The following TRPM4 variants were observed in gnomAD, a reference collection of about 807,000 sequenced individuals.
TRPM4 encodes the protein transient receptor potential cation channel subfamily M member 4, also known as calcium-activated non-selective cation channel 1.
TRPM4 carries 124 observed loss-of-function variants against 135.6 expected under a neutral mutation model. The observed-to-expected ratio is 0.91, with a 90% confidence interval of 0.79 to 1.06. The LOEUF (loss-of-function observed/expected upper bound fraction) is 1.06. TRPM4 is among the 50% of genes least tolerant of loss of function. The probability of loss-of-function intolerance (pLI) is 0.00; values close to 1 mark genes in which losing one functional copy is unlikely to be tolerated. For missense variants in TRPM4, 1,658 were observed against 1,671.4 expected (o/e 0.99, Z 0.14); for synonymous variants, 745 against 705.6 (o/e 1.06, Z -0.88).
rs1057309199 is a variant in TRPM4 at position 49,207,475 on chromosome 19, A to T, written c.3132-2734A>T. ...TGAGACCTTATCTCAATAAAAAAAT[A>T]AAAAATTTGCCAGGCGTGGTGGTGC... On this transcript the variant is annotated intron_variant, in intron 20 of 24. Transcript: ENST00000252826. 6.6e-5 allele frequency among the ~76,000 whole-genome samples: 10 copies of T among 151,824 alleles called. No individual in the cohort carries two copies. In the South Asian group the frequency reaches 2.1e-3, roughly 32 times the overall value.
chr19:49,164,146 T>C lies in TRPM4; in HGVS notation c.93-1895T>C, dbSNP rs982610974. ...GTGTAAATACAGGTCTCCCCTGATA[T>C]CTGAACTCCTGGAATCTGGAACAAA... On this transcript the variant is annotated intron_variant, in intron 2 of 24. Coordinates refer to ENST00000252826, the MANE Select transcript of TRPM4 (RefSeq NM_017636.4). Among the ~76,000 whole-genome samples, 22 of 152,312 alleles carry C rather than the reference T, an allele frequency of 1.4e-4. No homozygotes were observed. The East Asian group carries it at 1.9e-3, about 13-fold the overall frequency.
At chr19:49,160,229 G>A (rs1966910867) in intron 2 of TRPM4, among the ~76,000 whole-genome samples, 2 of 152,306 alleles carry the variant, frequency 1.3e-5, no homozygotes, top group South Asian at 2.1e-4. Flanking sequence ...TGTGGCTCAC[G>A]CCTGTCATCC....
Position 49,210,065 on chromosome 19 carries a change from T to A in TRPM4, c.3132-144T>A, listed in dbSNP as rs1020027267. The stretch of plus-strand genomic sequence containing the variant: ...CCCTTGGCTCTAACCTGACTTCTAA[T>A]CGCATCCTGTAACCTCTGACTTTAG... On this transcript the variant is annotated intron_variant, in intron 20 of 24. Coordinates refer to ENST00000252826, the MANE Select transcript of TRPM4 (RefSeq NM_017636.4). The surrounding 1 kb of genome is among the most constrained non-coding windows in gnomAD (Gnocchi z 4.1). 20 of 949,180 alleles carry A rather than the reference T, an allele frequency of 2.1e-5. No individual in the cohort carries two copies. The highest frequency in any genetic ancestry group is 1.6e-4 in the South Asian group (12 of 73,652). 58.8% of individuals were successfully genotyped at this position (949,180 alleles called of 1,614,324 possible). A position where few individuals can be genotyped will look rare whatever the true frequency, so the allele number is the denominator to read the frequency against.
intron 2 of TRPM4, chr19:49,158,984 C>T (rs1205550849): frequency 1.3e-5 from 2 of 151,410 alleles, no homozygotes; most frequent in East Asian, 3.9e-4. Flanking sequence ...GGAGCTCCCG[C>T]CCTTCAGTGA....
At chr19:49,192,365 C>T (rs1968444063) in intron 16 of TRPM4, among the ~76,000 whole-genome samples, 1 of 151,940 alleles carries the variant, frequency 6.6e-6, no homozygotes, top group African/African-American at 2.4e-5. Flanking sequence ...GGATGCTCCC[C>T]ATCTCCTGAC....
At position 49,182,451 on chromosome 19, in the gene TRPM4, CCCATCCATCCAT is replaced by C. The variant is rs61258103; in HGVS notation, c.1264-88_1264-77del. ...ACCTATCCATTCATCCATCCATCCA[CCCATCCATCCAT>C]CCATCCATCCATCCATCCATCCATC... On this transcript the variant is annotated intron_variant, in intron 10 of 24. Coordinates refer to ENST00000252826, the MANE Select transcript of TRPM4 (RefSeq NM_017636.4). The C allele has an allele frequency of 8.1e-3, 5,548 of 687,726 alleles. 43 individuals are homozygous for C. Among genetic ancestry groups the C allele is most frequent in the African/African-American group, 0.019 (949 of 51,038 alleles). 42.6% of individuals were successfully genotyped at this position (687,726 alleles called of 1,614,324 possible).
intron 2 of TRPM4, among the ~76,000 whole-genome samples, chr19:49,165,806 C>T (rs1967146923): frequency 6.6e-6 from 1 of 152,182 alleles, no homozygotes; most frequent in African/African-American, 2.4e-5. Flanking sequence ...CTGCTTCTTC[C>T]TGCTCAGGCT....
In TRPM4 at chr19:49,183,749, A is replaced by G. The variant is rs116010798; in HGVS notation, c.1743+537A>G. Among the ~76,000 whole-genome samples the G allele has an allele frequency of 7.3e-3, 1,062 of 144,902 alleles. 16 individuals carry two copies. The highest frequency in any genetic ancestry group is 0.026 in the African/African-American group (1,011 of 39,164). ...CCTTTGATAATATATCTCAGTGTGG[A>G]TCTCTGTGAATTTCTTTTTCTTTTT... On this transcript the variant is annotated intron_variant, in intron 12 of 24. Coordinates refer to ENST00000252826, the MANE Select transcript of TRPM4 (RefSeq NM_017636.4).
intron 10 of TRPM4, 129 bp downstream of exon 10, chr19:49,181,590 G>T (rs1258957149): frequency 1.5e-6 from 1 of 667,728 alleles, no homozygotes; most frequent in Non-Finnish European, 2.5e-6. Context: ...GGAGTGCAGA[G>T]GTGTGATCCC....
chr19:49,181,334 C>G lies in TRPM4; in HGVS notation c.1151-15C>G, dbSNP rs1323896397. ...TCCCCTGACTTCTTGTCCCCTCTCC[C>G]TCTAATCCTTCCAGCCTGTGGGAGC... is the stretch of plus-strand genomic sequence containing the variant. On this transcript the variant is annotated splice_polypyrimidine_tract_variant and intron_variant, in intron 9 of 24. Transcript: ENST00000252826. The G allele has an allele frequency of 6.2e-7, 1 of 1,602,210 alleles. No homozygotes were observed. The highest frequency in any genetic ancestry group is 1.1e-5 in the South Asian group (1 of 90,846).
intron 10 of TRPM4, among the ~76,000 whole-genome samples, chr19:49,182,128 CTGT>C (rs1967967070): frequency 2.6e-4 from 36 of 138,122 alleles, no homozygotes; most frequent in East Asian, 6.3e-4. Flanking sequence ...ATCCATCCAT[CTGT>C]CCATTCATCC....
chr19:49,209,873 C>T (rs3786559), intron 20 of TRPM4, among the ~76,000 whole-genome samples: 1 of 151,946 alleles, frequency 6.6e-6, no homozygotes, highest in East Asian at 1.9e-4. Flanking sequence ...CTCAGCCTCC[C>T]CAGTAGCTGG....
intron 9 of TRPM4, among the ~76,000 whole-genome samples, chr19:49,175,726 T>C (rs1967662635): frequency 1.3e-5 from 2 of 150,532 alleles, no homozygotes; most frequent in Non-Finnish European, 3.0e-5. Context: ...AGTGGCGCGA[T>C]CTCGGCTCGC....
Position 49,158,252 on chromosome 19 carries a change from G to C in TRPM4, c.85G>C (p.Asp29His), listed in dbSNP as rs2041555070. The stretch of plus-strand genomic sequence containing the variant: ...CACGACGTTCATAGTTGACTCCACA[G>C]ATCCGGGGTGAGGAGTTCGCCCCTG... ...TCTTFIVDSTDPGGTLCQCGR... is the reference protein window; with the variant it reads ...TCTTFIVDSTHPGGTLCQCGR... The change falls in exon 2 of 25, where the codon GAT becomes CAT. Residue 29 changes from aspartate (D) to histidine (H), a missense_variant. Asp to His is a moderately conservative substitution (Grantham distance 81). Coordinates refer to ENST00000252826, the MANE Select transcript of TRPM4 (RefSeq NM_017636.4). 5 of 1,613,690 alleles carry C rather than the reference G, an allele frequency of 3.1e-6. No homozygotes were observed. The highest frequency in any genetic ancestry group is 4.2e-6 in the Non-Finnish European group (5 of 1,179,926).
chr19:49,211,499 G>C lies in TRPM4; in HGVS notation c.*1G>C. The C allele has an allele frequency of 6.2e-7, 1 of 1,614,016 alleles. No individual in the cohort carries two copies. The highest frequency in any genetic ancestry group is 8.5e-7 in the Non-Finnish European group (1 of 1,180,034). ...TCTTTTCTCTCTTCCCCCAGACTGA[G>C]CCCTGCTGGCGGACTTCAAGGAGAA... On this transcript the variant is annotated 3_prime_UTR_variant, in exon 25 of 25. Coordinates refer to ENST00000252826, the MANE Select transcript of TRPM4 (RefSeq NM_017636.4). This position sits in a 1 kb window ranked among gnomAD's most constrained non-coding sequence, Gnocchi z 4.8.
At chr19:49,200,860 C>G (rs1968903703) in intron 19 of TRPM4, 75 bp downstream of exon 19, 1 of 1,502,422 alleles carries the variant, frequency 6.7e-7, no homozygotes, top group Non-Finnish European at 9.1e-7. Context: ...CCTCCTGGCT[C>G]TAAGAAAATA....
In TRPM4 at chr19:49,211,810, TG is replaced by T; in HGVS notation, c.*316del. On this transcript the variant is annotated 3_prime_UTR_variant, in exon 25 of 25. Transcript: ENST00000252826. The surrounding 1 kb of genome is among the most constrained non-coding windows in gnomAD (Gnocchi z 4.8). ...CTCACCACTCACAGATTCCTCACAC[TG>T]GGGAAATAAAGCCATTTCAGAGGAA... 2.0e-6 allele frequency: 1 copy of T among 495,782 alleles called. No homozygotes were observed. The highest frequency in any genetic ancestry group is 3.7e-6 in the Non-Finnish European group (1 of 273,832). The allele number at this position is 495,782 out of a possible 1,614,324, so 30.7% of individuals were successfully genotyped here. A position where few individuals can be genotyped will look rare whatever the true frequency, so the allele number is the denominator to read the frequency against.
At chr19:49,204,408 T>C (rs1240330406) in intron 20 of TRPM4, among the ~76,000 whole-genome samples, 3 of 152,116 alleles carry the variant, frequency 2.0e-5, no homozygotes, top group Non-Finnish European at 2.9e-5. Context: ...CTCCACATCC[T>C]AGCCAACACT....
chr19:49,172,165 C>G, intron 9 of TRPM4, 57 bp downstream of exon 9: 3 of 1,346,754 alleles, frequency 2.2e-6, no homozygotes, highest in Non-Finnish European at 3.2e-6. Context: ...AGACACCTTT[C>G]CTGGCCTGGG....
Sources: allele counts gnomAD v4.1 joint callset (sites outside exome capture counted in the v4.1 genomes callset), GRCh38; gene constraint gnomAD v4.1.1; non-coding constraint Gnocchi (gnomAD v3.1); transcripts MANE v1.5; gene names NCBI Gene and HGNC (gene_info 2026-07-23, HGNC 2026-07-21).